FAM199X: variants seen among roughly 807,000 people sequenced by gnomAD.
The protein encoded by FAM199X is family with sequence similarity 199, X-linked.
FAM199X carries 4 observed loss-of-function variants against 22.9 expected under a neutral mutation model. The ratio of observed to expected loss-of-function variants is 0.17; its 90% CI spans 0.09 to 0.40. FAM199X has a LOEUF of 0.40. Among genes scored for constraint, FAM199X ranks in the 10% least tolerant of loss-of-function variants. The pLI is 1.00. For synonymous variants in FAM199X, 101 were observed against 112.3 expected, an observed-to-expected ratio of 0.90 and a Z score of 0.64; for missense variants, 183 against 306.8, an observed-to-expected ratio of 0.60 and a Z score of 3.01.
chrX:104,188,021 T>G lies in FAM199X; in HGVS notation c.730-19T>G. 8.3e-7 allele frequency: 1 copy of G among 1,203,654 alleles called. No individual in the cohort carries two copies. The highest frequency in any genetic ancestry group is 1.1e-6 in the Non-Finnish European group (1 of 888,590). On this transcript the variant is annotated intron_variant, in intron 4 of 5. Transcript: ENST00000493442. ...CATCAAGGTGCAACACTAACCAGTT[T>G]GTGTTTGTGCATCCCAAGGTCAGAA...
In FAM199X at chrX:104,166,564, G is replaced by A; in HGVS notation, c.-222G>A. 3.3e-6 allele frequency: 1 copy of A among 298,607 alleles called. No homozygotes were observed. The highest frequency in any genetic ancestry group is 5.9e-6 in the Non-Finnish European group (1 of 170,404). 24.6% of individuals were successfully genotyped at this position (298,607 alleles called of 1,213,427 possible). ...CGGAAGCTGCAGAGGCCACCGGGGC[G>A]CTAACTGGGTGGCCGGTGGGCCGCT... On this transcript the variant is annotated 5_prime_UTR_variant, in exon 1 of 6. Coordinates refer to ENST00000493442, the MANE Select transcript of FAM199X (RefSeq NM_207318.4).
intron 2 of FAM199X, among the ~76,000 whole-genome samples, chrX:104,183,509 C>T (rs782716256): frequency 1.6e-4 from 18 of 109,654 alleles, no homozygotes; most frequent in African/African-American, 4.6e-4. Context: ...CTGTCTCCCA[C>T]GCTGGAGTGC....
intron 1 of FAM199X, among the ~76,000 whole-genome samples, chrX:104,172,281 T>C (rs782444241): frequency 1.4e-4 from 14 of 98,589 alleles, no homozygotes; most frequent in Non-Finnish European, 2.6e-4. Context: ...TAGCCAGGCG[T>C]GGTGGTATGT....
upstream of FAM199X, among the ~76,000 whole-genome samples, chrX:104,162,070 G>A (rs782575716): frequency 2.2e-4 from 25 of 111,570 alleles, no homozygotes; most frequent in Middle Eastern, 9.3e-3. Context: ...GAGGGTTTAG[G>A]TTTAATTGCA....
At chrX:104,176,017 A>G (rs1921480880) in intron 2 of FAM199X, among the ~76,000 whole-genome samples, 175 bp downstream of exon 2, 1 of 111,908 alleles carries the variant, frequency 8.9e-6, no homozygotes, top group Non-Finnish European at 1.9e-5. Flanking sequence ...TATTTTTGCT[A>G]ATGTACCTTT....
intron 2 of FAM199X, among the ~76,000 whole-genome samples, chrX:104,180,288 CTTTTTTTTTT>C (rs573175887): frequency 1.4e-5 from 1 of 71,245 alleles, no homozygotes; most frequent in East Asian, 4.4e-4. Context: ...GCCAGTGTCT[CTTTTTTTTTT>C]TTTTTTTTTT....
At position 104,166,707 on chromosome X, in the gene FAM199X, C is replaced by G. The variant is rs1336456229; in HGVS notation, c.-79C>G. Reference sequence around the variant, plus strand: ...ACCCCGGAGCGTCGGCGACTGCGGACAGGTTAGAGTGGGGGCAGGGGCGGG... The same window carrying G: ...ACCCCGGAGCGTCGGCGACTGCGGAGAGGTTAGAGTGGGGGCAGGGGCGGG... On this transcript the variant is annotated 5_prime_UTR_variant, in exon 1 of 6. Coordinates refer to ENST00000493442, the MANE Select transcript of FAM199X (RefSeq NM_207318.4). The G allele has an allele frequency of 1.1e-6, 1 of 926,854 alleles. No homozygotes were observed. The highest frequency in any genetic ancestry group is 2.0e-5 in the African/African-American group (1 of 48,876). The allele number at this position is 926,854 out of a possible 1,213,427, so 76.4% of individuals were successfully genotyped here.
chrX:104,180,314 G>A (rs1469269061), intron 2 of FAM199X, among the ~76,000 whole-genome samples: 1 of 91,275 alleles, frequency 1.1e-5, no homozygotes, highest in Non-Finnish European at 2.1e-5. Flanking sequence ...TTTTTTCTCA[G>A]TACAGACTTT....
In FAM199X at chrX:104,194,636, A is replaced by G. The variant is rs1245256148; in HGVS notation, c.*4858A>G. On this transcript the variant is annotated 3_prime_UTR_variant, in exon 6 of 6. Transcript: ENST00000493442. ...TGAGTACTCTCACTTAACAAGTATT[A>G]TCTATTCTGAACCTTTGTGTTGGGA... 5.3e-5 allele frequency: 6 copies of G among 112,287 alleles called. No individual in the cohort carries two copies. Among genetic ancestry groups the G allele is most frequent in the Admixed American group, 9.5e-5 (1 of 10,572 alleles). 9.3% of individuals were successfully genotyped at this position (112,287 alleles called of 1,213,427 possible). A position where few individuals can be genotyped will look rare whatever the true frequency, so the allele number is the denominator to read the frequency against.
the FAM199X span, among the ~76,000 whole-genome samples, chrX:104,157,324 CTGACCTTTCACCT>C: frequency 1.8e-5 from 2 of 111,615 alleles, no homozygotes; most frequent in Non-Finnish European, 3.8e-5. Flanking sequence ...TTTGCAGTTT[CTGACCTTTCACCT>C]TGAACCTGTG....
At chrX:104,170,450 G>A (rs1921322292) in intron 1 of FAM199X, among the ~76,000 whole-genome samples, 1 of 111,692 alleles carries the variant, frequency 9.0e-6, no homozygotes, top group African/African-American at 3.3e-5. Context: ...GTAGAAGTCC[G>A]TGACGTGATA....
intron 1 of FAM199X, among the ~76,000 whole-genome samples, chrX:104,168,840 G>A (rs1240205242): frequency 9.6e-6 from 1 of 104,217 alleles, no homozygotes; most frequent in African/African-American, 3.5e-5. Flanking sequence ...GCAAGCCCCA[G>A]TTTTTCCAAG....
intron 2 of FAM199X, among the ~76,000 whole-genome samples, chrX:104,179,895 T>C (rs781852676): frequency 1.8e-5 from 2 of 111,077 alleles, no homozygotes; most frequent in Non-Finnish European, 3.8e-5. Flanking sequence ...AGGAAGTGTT[T>C]CCTCTTCTGG....
At chrX:104,158,992 G>A in the FAM199X span, among the ~76,000 whole-genome samples, 2 of 112,106 alleles carry the variant, frequency 1.8e-5, no homozygotes, top group African/African-American at 6.5e-5. Context: ...TAGCACACAT[G>A]TCTGGGCTTG....
intron 2 of FAM199X, among the ~76,000 whole-genome samples, chrX:104,182,159 T>C (rs1556378028): frequency 9.2e-6 from 1 of 108,957 alleles, no homozygotes; most frequent in African/African-American, 3.3e-5. Flanking sequence ...TGGCTAATTT[T>C]TGTATTTTTA....
intron 4 of FAM199X, among the ~76,000 whole-genome samples, chrX:104,186,999 G>A (rs969242413): frequency 9.0e-6 from 1 of 111,565 alleles, no homozygotes; most frequent in Admixed American, 9.5e-5. Flanking sequence ...GATTTGAGTA[G>A]TTTTATGCAG....
intron 1 of FAM199X, among the ~76,000 whole-genome samples, chrX:104,172,217 C>T (rs1921370115): frequency 2.0e-5 from 2 of 99,995 alleles, no homozygotes; most frequent in South Asian, 9.6e-4. Context: ...GCCCGGACAA[C>T]GTGATGAAAC....
intron 1 of FAM199X, among the ~76,000 whole-genome samples, chrX:104,167,923 G>T (rs1180465108): frequency 9.0e-6 from 1 of 111,021 alleles, no homozygotes; most frequent in Non-Finnish European, 1.9e-5. Context: ...AAGGCTCTAG[G>T]AGAGGGGTTC....
intron 2 of FAM199X, among the ~76,000 whole-genome samples, chrX:104,178,869 T>C (rs1048034117): frequency 4.5e-5 from 5 of 111,969 alleles, no homozygotes; most frequent in Non-Finnish European, 9.4e-5. Context: ...GGCTCACATC[T>C]GTAATCCCAG....
Sources: allele counts gnomAD v4.1 joint callset (sites outside exome capture counted in the v4.1 genomes callset), GRCh38; gene constraint gnomAD v4.1.1; transcripts MANE v1.5; gene names NCBI Gene and HGNC (gene_info 2026-07-23, HGNC 2026-07-21).